The following FLT3LG variants were observed in gnomAD, a reference collection of about 807,000 sequenced individuals.
FLT3LG encodes the protein fms related receptor tyrosine kinase 3 ligand.
Under a neutral mutation model 30.9 loss-of-function variants are expected in FLT3LG, and 8 were observed. The observed-to-expected ratio is 0.26, with a 90% CI of 0.15 to 0.47. The LOEUF (loss-of-function observed/expected upper bound fraction) is 0.47. Among genes scored for constraint, FLT3LG ranks in the 20% least tolerant of loss-of-function variants. The pLI, the probability that FLT3LG is intolerant of heterozygous loss-of-function variation, is 0.99. For synonymous variants in FLT3LG, 123 were observed against 135.9 expected, an observed-to-expected ratio of 0.91 and a Z score of 0.66; for missense variants, 278 against 306.2, an observed-to-expected ratio of 0.91 and a Z score of 0.69.
At position 49,480,349 on chromosome 19, in the gene FLT3LG, C is replaced by A. The variant is rs1315628277; in HGVS notation, c.533C>A (p.Ala178Asp). 1 of 1,609,988 alleles carries A rather than the reference C, an allele frequency of 6.2e-7. No homozygotes were observed. Among genetic ancestry groups the A allele is most frequent in the African/African-American group, 1.3e-5 (1 of 74,956 alleles). ...AGTCCCCGGCCCCTGGAGGCCACAG[C>A]CCCGACAGCCCCGCAGCCCCCTCTG... ...PWSPRPLEAT[A>D]PTAPQPPLLL... The change falls in exon 7 of 9, where the codon GCC becomes GAC. Residue 178 changes from alanine (A) to aspartate (D), a missense_variant. Around this residue, in one of 3 missense-constraint regions of FLT3LG, gnomAD observed 170 missense variants for 162.0 expected, o/e 1.05. Transcript: ENST00000597551.
rs772434954 is a variant in FLT3LG at position 49,476,220 on chromosome 19, C to G, written c.198+22C>G. On this transcript the variant is annotated intron_variant, in intron 4 of 8. Transcript: ENST00000597551. The surrounding 1 kb of genome is among the most constrained non-coding windows in gnomAD (Gnocchi z 5.3). ...GGACGTAAGTCATGTTGGGAGGGAC[C>G]TGGGATGGAGGTGGGGACCACAGAC... is the stretch of plus-strand genomic sequence containing the variant. 6.3e-7 allele frequency: 1 copy of G among 1,596,064 alleles called. No homozygotes were observed. The highest frequency in any genetic ancestry group is 8.6e-7 in the Non-Finnish European group (1 of 1,165,882).
At chr19:49,482,668 G>A (rs989069163) in intron 8 of FLT3LG, among the ~76,000 whole-genome samples, 38 of 147,378 alleles carry the variant, frequency 2.6e-4, no homozygotes, top group Admixed American at 2.1e-3. Context: ...TCACTCTGTC[G>A]CCAGGTTGAA....
chr19:49,475,596 G>A (rs1489231436), intron 2 of FLT3LG, 95 bp from the exon 3 acceptor site: 2 of 1,458,010 alleles, frequency 1.4e-6, no homozygotes, highest in East Asian at 2.4e-5. Flanking sequence ...AGGGAAGGAG[G>A]AGCGGGGAAG....
intron 1 of FLT3LG, 144 bp downstream of exon 1, chr19:49,474,425 T>C: frequency 1.6e-6 from 1 of 611,038 alleles, no homozygotes; most frequent in Non-Finnish European, 2.9e-6. Context: ...TCGAGGTTCT[T>C]AGAAGTGGAG....
intron 8 of FLT3LG, among the ~76,000 whole-genome samples, chr19:49,483,930 G>A (rs1438873892): frequency 6.6e-6 from 1 of 150,390 alleles, no homozygotes; most frequent in Non-Finnish European, 1.5e-5. Context: ...TGTCGCCCAG[G>A]GTGGAGTGCA....
In FLT3LG at chr19:49,480,586, T is replaced by C. The variant is rs756669610; in HGVS notation, c.695T>C (p.Leu232Pro). ...GTCCCCAGTCCCCAGGACCTGCTGC[T>C]TGTGGAGCACTGACCTGGCCAAGGC... The part of the protein sequence containing the change: ...PPVPSPQDLL[L>P]VEH The change falls in exon 8 of 9, where the codon CTT (leucine) becomes CCT (proline). Residue 232 changes from leucine (L) to proline (P), a missense_variant. Physicochemically the swap from Leu to Pro is moderately conservative, Grantham distance 98. This residue lies in a region of FLT3LG where 170 missense variants were observed against 162.0 expected (regional missense o/e 1.05). Transcript: ENST00000597551. The C allele has an allele frequency of 6.2e-7, 1 of 1,613,290 alleles. No individual in the cohort carries two copies. The highest frequency in any genetic ancestry group is 8.5e-7 in the Non-Finnish European group (1 of 1,179,712).
intron 5 of FLT3LG, 135 bp from the exon 6 acceptor site, chr19:49,478,774 T>A (rs549253903): frequency 4.1e-5 from 31 of 747,980 alleles, no homozygotes; most frequent in Admixed American, 8.5e-5. Context: ...AATTAATTAA[T>A]TAAATAAATA....
At chr19:49,474,769 G>A in intron 2 of FLT3LG, 97 bp downstream of exon 2, 1 of 1,329,596 alleles carries the variant, frequency 7.5e-7, no homozygotes, top group Non-Finnish European at 1.1e-6. Flanking sequence ...CAGATGGACA[G>A]ATGACGAGGA....
chr19:49,484,657 T>C (rs1021155900), intron 8 of FLT3LG, among the ~76,000 whole-genome samples: 1 of 151,648 alleles, frequency 6.6e-6, no homozygotes, highest in Non-Finnish European at 1.5e-5. Flanking sequence ...CCACCACACC[T>C]GGCTAATTTT....
Position 49,479,061 on chromosome 19 carries a change from G to C in FLT3LG, c.481+14G>C. 6.2e-7 allele frequency: 1 copy of C among 1,601,872 alleles called. No individual in the cohort carries two copies. The highest frequency in any genetic ancestry group is 8.5e-7 in the Non-Finnish European group (1 of 1,174,144). Reference sequence around the variant, plus strand: ...AGTGTCAGCCCGGTAAAGGCTTCCAGGCACCCCCACTCCTTCCCCTCCTGT... The same window carrying C: ...AGTGTCAGCCCGGTAAAGGCTTCCACGCACCCCCACTCCTTCCCCTCCTGT... On this transcript the variant is annotated intron_variant, in intron 6 of 8. Coordinates refer to ENST00000597551, the MANE Select transcript of FLT3LG (RefSeq NM_001459.4).
rs183330266 is a variant in FLT3LG at position 49,480,856 on chromosome 19, C to A, written c.*21+236C>A. On this transcript the variant is annotated intron_variant, in intron 8 of 8. Coordinates refer to ENST00000597551, the MANE Select transcript of FLT3LG (RefSeq NM_001459.4). Reference sequence around the variant, plus strand: ...AGACCAGCCTGGCCAACATGGCAAACCCCAGTCTCTACTAAAAATACAAAA... The same window carrying A: ...AGACCAGCCTGGCCAACATGGCAAAACCCAGTCTCTACTAAAAATACAAAA... 2.5e-3 allele frequency: 1,292 copies of A among 521,304 alleles called. 13 individuals are homozygous for A. Among genetic ancestry groups the A allele is most frequent in the African/African-American group, 0.023 (1,193 of 52,170 alleles). 32.3% of individuals were successfully genotyped at this position (521,304 alleles called of 1,614,324 possible).
At position 49,480,568 on chromosome 19, in the gene FLT3LG, G is replaced by A. The variant is rs1313192900; in HGVS notation, c.677G>A (p.Ser226Asn). 1 of 1,613,500 alleles carries A rather than the reference G, an allele frequency of 6.2e-7. No individual in the cohort carries two copies. Among genetic ancestry groups the A allele is most frequent in the Admixed American group, 1.7e-5 (1 of 59,966 alleles). Reference protein sequence around the residue: ...RPGEQVPPVPSPQDLLLVEH With the variant: ...RPGEQVPPVPNPQDLLLVEH ...GGCCCACAGGTGCCCCCCGTCCCCAGTCCCCAGGACCTGCTGCTTGTGGAG... is the reference window on the plus strand; with the variant it reads ...GGCCCACAGGTGCCCCCCGTCCCCAATCCCCAGGACCTGCTGCTTGTGGAG... The change falls in exon 8 of 9, where the codon AGT becomes AAT. Residue 226 changes from serine to asparagine, a missense_variant. By Grantham distance (46) the Ser-to-Asn change is conservative. This residue lies in a region of FLT3LG where 170 missense variants were observed against 162.0 expected (regional missense o/e 1.05). Coordinates refer to ENST00000597551, the MANE Select transcript of FLT3LG (RefSeq NM_001459.4).
In FLT3LG at chr19:49,479,022, G is replaced by C; in HGVS notation, c.456G>C (p.Arg152=). 1 of 1,608,492 alleles carries C rather than the reference G, an allele frequency of 6.2e-7. No homozygotes were observed. Among genetic ancestry groups the C allele is most frequent in the Non-Finnish European group, 8.5e-7 (1 of 1,177,638 alleles). The change falls in exon 6 of 9, where the codon CGG becomes CGC. Residue 152 remains arginine (R), a synonymous_variant. Coordinates refer to ENST00000597551, the MANE Select transcript of FLT3LG (RefSeq NM_001459.4). ...GGATCACTCGCCAGAACTTCTCCCG[G>C]TGCCTGGAGCTGCAGTGTCAGCCCG... is the stretch of plus-strand genomic sequence containing the variant. ...KPWITRQNFS[R]CLELQCQPDS... is the part of the protein sequence containing the mutation.
At position 49,476,138 on chromosome 19, in the gene FLT3LG, C is replaced by T. The variant is rs1813937076; in HGVS notation, c.145-7C>T. 1 of 1,613,942 alleles carries T rather than the reference C, an allele frequency of 6.2e-7. No individual in the cohort carries two copies. ...TCAGCCAGGCCTGATCCTGTTTTCT[C>T]CCGCAGTCTGACTACCTGCTTCAAG... On this transcript the variant is annotated splice_polypyrimidine_tract_variant and splice_region_variant and intron_variant, in intron 3 of 8. Coordinates refer to ENST00000597551, the MANE Select transcript of FLT3LG (RefSeq NM_001459.4). This position sits in a 1 kb window ranked among gnomAD's most constrained non-coding sequence, Gnocchi z 5.3.
chr19:49,481,508 T>A (rs1386260714), intron 8 of FLT3LG: 1 of 151,314 alleles, frequency 6.6e-6, no homozygotes, highest in Non-Finnish European at 1.5e-5. Context: ...CCATGGGAGG[T>A]GTGAGAGGGA....
chr19:49,478,756 C>CAA (rs113267803), intron 5 of FLT3LG, among the ~76,000 whole-genome samples, 153 bp from the exon 6 acceptor site: 2 of 145,872 alleles, frequency 1.4e-5, no homozygotes, highest in Non-Finnish European at 3.0e-5. Context: ...GACTCTATCT[C>CAA]AAAAAAAAAT....
At chr19:49,478,278 T>C (rs960412004) in intron 5 of FLT3LG, among the ~76,000 whole-genome samples, 49 of 150,752 alleles carry the variant, frequency 3.3e-4, no homozygotes, top group African/African-American at 1.1e-3. Flanking sequence ...CCATCCTGGC[T>C]AACACAATGA....
In FLT3LG at chr19:49,476,716, T is replaced by C. The variant is rs2079406857; in HGVS notation, c.342+150T>C. ...GCGCCACCCTGCAGAGCCCTGTTCC[T>C]ACAGAACAACACGTCCCCAGGCACC... On this transcript the variant is annotated intron_variant, in intron 5 of 8. Coordinates refer to ENST00000597551, the MANE Select transcript of FLT3LG (RefSeq NM_001459.4). This position sits in a 1 kb window ranked among gnomAD's most constrained non-coding sequence, Gnocchi z 5.3. 1 of 1,037,854 alleles carries C rather than the reference T, an allele frequency of 9.6e-7. No homozygotes were observed. Among genetic ancestry groups the C allele is most frequent in the African/African-American group, 1.6e-5 (1 of 61,546 alleles). The allele number at this position is 1,037,854 out of a possible 1,614,324, so 64.3% of individuals were successfully genotyped here.
rs140487192 is a variant in FLT3LG at position 49,478,536 on chromosome 19, G to A, written c.343-373G>A. Reference sequence around the variant, plus strand: ...GCCTACAATCCCAGCACTTTGGGAGGCCAAGGTGGGCAGATCACCTGAGGT... The same window carrying A: ...GCCTACAATCCCAGCACTTTGGGAGACCAAGGTGGGCAGATCACCTGAGGT... On this transcript the variant is annotated intron_variant, in intron 5 of 8. Coordinates refer to ENST00000597551, the MANE Select transcript of FLT3LG (RefSeq NM_001459.4). Among the ~76,000 whole-genome samples, 1,020 of 151,898 alleles carry A rather than the reference G, an allele frequency of 6.7e-3. 10 individuals are homozygous for A. The highest frequency in any genetic ancestry group is 0.023 in the African/African-American group (954 of 41,392).
Sources: allele counts gnomAD v4.1 joint callset (sites outside exome capture counted in the v4.1 genomes callset), GRCh38; gene constraint gnomAD v4.1.1; regional missense constraint gnomAD v4.1.1; non-coding constraint Gnocchi (gnomAD v3.1); transcripts MANE v1.5; gene names NCBI Gene and HGNC (gene_info 2026-07-23, HGNC 2026-07-21).